The following NET1 variants were observed in gnomAD, a reference collection of about 807,000 sequenced individuals.
The protein encoded by NET1 is neuroepithelial cell transforming 1.
Under a neutral mutation model 61.1 loss-of-function variants are expected in NET1, and 42 were observed. That is an observed-to-expected ratio of 0.69 (90% confidence interval 0.54 to 0.89). NET1 has a LOEUF of 0.89. Among genes scored for constraint, NET1 ranks in the 40% least tolerant of loss-of-function variants. The probability of loss-of-function intolerance (pLI) is 0.00; values close to 1 mark genes in which losing one functional copy is unlikely to be tolerated. For synonymous variants in NET1, 254 were observed against 281.8 expected (o/e 0.90, Z 0.99); for missense variants, 654 against 747.3 (o/e 0.88, Z 1.46).
Position 5,456,533 on chromosome 10 carries a change from A to G in NET1, c.1385-55A>G. On this transcript the variant is annotated intron_variant, in intron 11 of 11. Coordinates refer to ENST00000355029, the MANE Select transcript of NET1 (RefSeq NM_001047160.3). The surrounding 1 kb of genome is among the most constrained non-coding windows in gnomAD (Gnocchi z 7.0). ...TTAAGATTGTATGACCACTTTGTCT[A>G]GAATAAACCTTTTTTTAGCCTGATT... 6.7e-7 allele frequency: 1 copy of G among 1,485,652 alleles called. No homozygotes were observed. Among genetic ancestry groups the G allele is most frequent in the Non-Finnish European group, 9.0e-7 (1 of 1,107,498 alleles). 92.0% of individuals were successfully genotyped at this position (1,485,652 alleles called of 1,614,324 possible).
In NET1 at chr10:5,417,867, G is replaced by A. The variant is rs1832107488; in HGVS notation, c.128+5047G>A. Among the ~76,000 whole-genome samples the A allele has an allele frequency of 2.0e-5, 3 of 152,050 alleles. No homozygotes were observed. Among genetic ancestry groups the A allele is most frequent in the Non-Finnish European group, 4.4e-5 (3 of 67,996 alleles). ...CCATTCTGTTACTAGTTTTTGAGTGGTTTTTATCATGAAAGGTTTTAGGGT... is the reference window on the plus strand; with the variant it reads ...CCATTCTGTTACTAGTTTTTGAGTGATTTTTATCATGAAAGGTTTTAGGGT... On this transcript the variant is annotated intron_variant, in intron 1 of 11. Coordinates refer to ENST00000355029, the MANE Select transcript of NET1 (RefSeq NM_001047160.3). This position sits in a 1 kb window ranked among gnomAD's most constrained non-coding sequence, Gnocchi z 5.5.
rs940388778 is a variant in NET1 at position 5,458,721 on chromosome 10, G to A, written c.*1727G>A. Among the ~76,000 whole-genome samples the A allele has an allele frequency of 6.6e-6, 1 of 152,216 alleles. No individual in the cohort carries two copies. Among genetic ancestry groups the A allele is most frequent in the Non-Finnish European group, 1.5e-5 (1 of 68,036 alleles). ...CTTTCTGGATAGGATAGTAAGGGTA[G>A]TAGTGGCAAAGGATCCTGATTAATT... On this transcript the variant is annotated 3_prime_UTR_variant, in exon 12 of 12. Coordinates refer to ENST00000355029, the MANE Select transcript of NET1 (RefSeq NM_001047160.3). The surrounding 1 kb of genome is among the most constrained non-coding windows in gnomAD (Gnocchi z 4.5).
rs1042744308 is a variant in NET1 at position 5,431,395 on chromosome 10, G to GT, written c.255+2172dup. ...GATCTAGAGAGCTGATCCAGTGTGG[G>GT]TTTTTTGGGCCATGTACTTACCTCA... On this transcript the variant is annotated intron_variant, in intron 3 of 11. Transcript: ENST00000355029. This position sits in a 1 kb window ranked among gnomAD's most constrained non-coding sequence, Gnocchi z 4.9. Among the ~76,000 whole-genome samples the GT allele has an allele frequency of 4.0e-5, 6 of 151,874 alleles. No homozygotes were observed. Among genetic ancestry groups the GT allele is most frequent in the Non-Finnish European group, 8.8e-5 (6 of 68,008 alleles).
At chr10:5,436,174 TGTGTGTGTGTGTTGTGTGTGTGTG>T (rs1257617531) in intron 3 of NET1, among the ~76,000 whole-genome samples, 2 of 79,056 alleles carry the variant, frequency 2.5e-5, no homozygotes, top group East Asian at 4.1e-4. Context: ...TGTGTGTGTG[TGTGTGTGTGTGTTGTGTGTGTGTG>T]TGTGTGTGTG....
intron 1 of NET1, among the ~76,000 whole-genome samples, chr10:5,414,216 A>T (rs1170490071): frequency 6.6e-6 from 1 of 152,190 alleles, no homozygotes; most frequent in African/African-American, 2.4e-5. Flanking sequence ...ATGAGAGATG[A>T]TGCTAAAGAG....
At position 5,443,721 on chromosome 10, in the gene NET1, T is replaced by G. The variant is rs1832560263; in HGVS notation, c.256-8109T>G. ...GAACATGGCTGTCATCAGTATACCC[T>G]ATTTGTTTTCTATTTCTGTATTTAC... On this transcript the variant is annotated intron_variant, in intron 3 of 11. Transcript: ENST00000355029. The surrounding 1 kb of genome is among the most constrained non-coding windows in gnomAD (Gnocchi z 4.8). Among the ~76,000 whole-genome samples the G allele has an allele frequency of 6.6e-6, 1 of 152,232 alleles. No homozygotes were observed. The highest frequency in any genetic ancestry group is 6.5e-5 in the Admixed American group (1 of 15,292).
rs139021889 is a variant in NET1 at position 5,447,520 on chromosome 10, T to C, written c.256-4310T>C. ...TTATACTATATACTTTAATATATAC[T>C]ACATTGTCACTTATATGCTAGGAAT... On this transcript the variant is annotated intron_variant, in intron 3 of 11. Transcript: ENST00000355029. The surrounding 1 kb of genome is among the most constrained non-coding windows in gnomAD (Gnocchi z 4.1). Among the ~76,000 whole-genome samples, 7 of 152,370 alleles carry C rather than the reference T, an allele frequency of 4.6e-5. No individual in the cohort carries two copies. The East Asian group carries it at 9.6e-4, about 21-fold the overall frequency.
At position 5,451,936 on chromosome 10, in the gene NET1, A is replaced by G; in HGVS notation, c.362A>G (p.Gln121Arg). The G allele has an allele frequency of 1.9e-6, 3 of 1,609,194 alleles. No individual in the cohort carries two copies. The highest frequency in any genetic ancestry group is 2.6e-6 in the Non-Finnish European group (3 of 1,175,866). ...GAVRRFGQTIQSFTLRGDHRS... is the reference protein window; with the variant it reads ...GAVRRFGQTIRSFTLRGDHRS... ...GTCAGACGTTTTGGTCAAACAATAC[A>G]GGTAAAAAGAGAGGAGGAAGAGTAA... Residue 121 changes from glutamine to arginine, a missense_variant and splice_region_variant, in exon 4 of 12, where the codon CAG (glutamine) becomes CGG (arginine). By Grantham distance (43) the Gln-to-Arg change is conservative. Coordinates refer to ENST00000355029, the MANE Select transcript of NET1 (RefSeq NM_001047160.3). The surrounding 1 kb of genome is among the most constrained non-coding windows in gnomAD (Gnocchi z 6.1).
rs980112687 is a variant in NET1, at chr10:5,459,041, A to G, written c.*2047A>G. ...GAATCTGAGTAAATCTATTAAATGA[A>G]TGTTCTTCAGAAATAGCACCTGTGT... On this transcript the variant is annotated 3_prime_UTR_variant, in exon 12 of 12. Coordinates refer to ENST00000355029, the MANE Select transcript of NET1 (RefSeq NM_001047160.3). Among the ~76,000 whole-genome samples, 1 of 152,178 alleles carries G rather than the reference A, an allele frequency of 6.6e-6. No homozygotes were observed. The highest frequency in any genetic ancestry group is 2.4e-5 in the African/African-American group (1 of 41,434).
Position 5,445,473 on chromosome 10 carries a change from T to A in NET1, c.256-6357T>A, listed in dbSNP as rs992218060. Among the ~76,000 whole-genome samples, 8 of 152,356 alleles carry A rather than the reference T, an allele frequency of 5.3e-5. No homozygotes were observed. The South Asian group carries it at 1.2e-3, about 24-fold the overall frequency. ...AGCAGATATGAAGCCTATTTTTTTT[T>A]ATTACCCAAGTATCTAGAATAGTGA... On this transcript the variant is annotated intron_variant, in intron 3 of 11. Coordinates refer to ENST00000355029, the MANE Select transcript of NET1 (RefSeq NM_001047160.3).
rs1321092088 is a variant in NET1 at position 5,440,765 on chromosome 10, A to G, written c.256-11065A>G. 6.6e-6 allele frequency among the ~76,000 whole-genome samples: 1 copy of G among 152,148 alleles called. No individual in the cohort carries two copies. ...AAACACTACAATCATTACAATTACC[A>G]CTGCCCCTCTCTTGTTCATTTGCCA... On this transcript the variant is annotated intron_variant, in intron 3 of 11. Transcript: ENST00000355029. This position sits in a 1 kb window ranked among gnomAD's most constrained non-coding sequence, Gnocchi z 4.1.
In NET1 at chr10:5,435,436, T is replaced by C. The variant is rs1752585329; in HGVS notation, c.255+6207T>C. On this transcript the variant is annotated intron_variant, in intron 3 of 11. Transcript: ENST00000355029. This position sits in a 1 kb window ranked among gnomAD's most constrained non-coding sequence, Gnocchi z 5.0. ...TGTTAGTACAATTATTTGATGCCTGTTGCTAGGAGCCATTCTACTTTATAT... is the reference window on the plus strand; with the variant it reads ...TGTTAGTACAATTATTTGATGCCTGCTGCTAGGAGCCATTCTACTTTATAT... Among the ~76,000 whole-genome samples, 1 of 152,104 alleles carries C rather than the reference T, an allele frequency of 6.6e-6. No individual in the cohort carries two copies.
chr10:5,453,009 TAGA>T lies in NET1; in HGVS notation c.594+94_594+96del. On this transcript the variant is annotated intron_variant, in intron 6 of 11. Coordinates refer to ENST00000355029, the MANE Select transcript of NET1 (RefSeq NM_001047160.3). This position sits in a 1 kb window ranked among gnomAD's most constrained non-coding sequence, Gnocchi z 4.9. ...GGATAGTTTTCTTAACCTTTAGAAGTAGAAGAATAGAAAATATCTACTGGTGAA... is the reference window on the plus strand; with the variant it reads ...GGATAGTTTTCTTAACCTTTAGAAGTAGAATAGAAAATATCTACTGGTGAA... 1.1e-6 allele frequency: 1 copy of T among 950,510 alleles called. No homozygotes were observed. Among genetic ancestry groups the T allele is most frequent in the Non-Finnish European group, 1.7e-6 (1 of 597,066 alleles). The allele number at this position is 950,510 out of a possible 1,614,324, so 58.9% of individuals were successfully genotyped here. A position where few individuals can be genotyped will look rare whatever the true frequency, so the allele number is the denominator to read the frequency against.
rs184693497 is a variant in NET1 at position 5,437,472 on chromosome 10, G to A, written c.255+8243G>A. Among the ~76,000 whole-genome samples, 7 of 152,094 alleles carry A rather than the reference G, an allele frequency of 4.6e-5. No homozygotes were observed. The highest frequency in any genetic ancestry group is 1.5e-5 in the Non-Finnish European group (1 of 67,972). ...TTTTTTTCATATTAAAAACAGTGCT[G>A]TACTTTACCTTCTGGTGCACAAGGA... On this transcript the variant is annotated intron_variant, in intron 3 of 11. Transcript: ENST00000355029. This position sits in a 1 kb window ranked among gnomAD's most constrained non-coding sequence, Gnocchi z 4.3.
At chr10:5,428,200 T>TA (rs772039657) in intron 2 of NET1, among the ~76,000 whole-genome samples, 2 of 152,150 alleles carry the variant, frequency 1.3e-5, no homozygotes, top group Non-Finnish European at 2.9e-5. Context: ...GCTGTGTAGG[T>TA]AACCTGAAAA....
At position 5,424,264 on chromosome 10, in the gene NET1, T is replaced by C. The variant is rs986428111; in HGVS notation, c.129-2391T>C. Among the ~76,000 whole-genome samples, 1 of 152,228 alleles carries C rather than the reference T, an allele frequency of 6.6e-6. No individual in the cohort carries two copies. The highest frequency in any genetic ancestry group is 1.5e-5 in the Non-Finnish European group (1 of 68,036). Reference sequence around the variant, plus strand: ...TAACCTGAGACATCATAATTGTTTTTTCTTAAGCCAGTGCCCACTGATGGC... The same window carrying C: ...TAACCTGAGACATCATAATTGTTTTCTCTTAAGCCAGTGCCCACTGATGGC... On this transcript the variant is annotated intron_variant, in intron 1 of 11. Transcript: ENST00000355029. The surrounding 1 kb of genome is among the most constrained non-coding windows in gnomAD (Gnocchi z 6.1).
At position 5,443,699 on chromosome 10, in the gene NET1, C is replaced by T. The variant is rs1179579031; in HGVS notation, c.256-8131C>T. Among the ~76,000 whole-genome samples the T allele has an allele frequency of 6.6e-6, 1 of 152,196 alleles. No individual in the cohort carries two copies. Among genetic ancestry groups the T allele is most frequent in the Non-Finnish European group, 1.5e-5 (1 of 68,022 alleles). ...GTTGGTGAGCTGGGGCTTTTGTGAA[C>T]ATGGCTGTCATCAGTATACCCTATT... On this transcript the variant is annotated intron_variant, in intron 3 of 11. Coordinates refer to ENST00000355029, the MANE Select transcript of NET1 (RefSeq NM_001047160.3). The surrounding 1 kb of genome is among the most constrained non-coding windows in gnomAD (Gnocchi z 4.8).
Position 5,453,228 on chromosome 10 carries a change from A to G in NET1, c.595-22A>G, listed in dbSNP as rs924273339. 5 of 1,313,208 alleles carry G rather than the reference A, an allele frequency of 3.8e-6. No homozygotes were observed. Among genetic ancestry groups the G allele is most frequent in the Non-Finnish European group, 5.5e-6 (5 of 905,496 alleles). The allele number at this position is 1,313,208 out of a possible 1,614,324, so 81.3% of individuals were successfully genotyped here. A position where few individuals can be genotyped will look rare whatever the true frequency, so the allele number is the denominator to read the frequency against. The stretch of plus-strand genomic sequence containing the variant: ...GTTTTCCTCACATGATCTCTCTGTG[A>G]CACATTTCTCCCCTCTGACAGGCCT... On this transcript the variant is annotated intron_variant, in intron 6 of 11. Coordinates refer to ENST00000355029, the MANE Select transcript of NET1 (RefSeq NM_001047160.3). This position sits in a 1 kb window ranked among gnomAD's most constrained non-coding sequence, Gnocchi z 4.9.
Position 5,451,535 on chromosome 10 carries a change from G to T in NET1, c.256-295G>T, listed in dbSNP as rs1416066396. ...TTAAAAAAAAAAAAAGTTATTCCCT[G>T]CATTAAACTGAAAAGTTCATTAGAT... On this transcript the variant is annotated intron_variant, in intron 3 of 11. Transcript: ENST00000355029. The surrounding 1 kb of genome is among the most constrained non-coding windows in gnomAD (Gnocchi z 6.1). Among the ~76,000 whole-genome samples, 1 of 148,540 alleles carries T rather than the reference G, an allele frequency of 6.7e-6. No homozygotes were observed. Among genetic ancestry groups the T allele is most frequent in the Non-Finnish European group, 1.5e-5 (1 of 67,506 alleles).
Sources: allele counts gnomAD v4.1 joint callset (sites outside exome capture counted in the v4.1 genomes callset), GRCh38; gene constraint gnomAD v4.1.1; non-coding constraint Gnocchi (gnomAD v3.1); transcripts MANE v1.5; gene names NCBI Gene and HGNC (gene_info 2026-07-23, HGNC 2026-07-21).